PLD5: variants seen among roughly 807,000 people sequenced by gnomAD.
The protein encoded by PLD5 is phospholipase D family member 5, also known as inactive phospholipase D5.
PLD5 carries 36 observed loss-of-function variants against 61.1 expected under a neutral mutation model. The observed-to-expected ratio is 0.59, with a 90% CI of 0.45 to 0.78. The LOEUF is 0.78. PLD5 is among the 30% of genes least tolerant of loss of function. The pLI, the probability that PLD5 is intolerant of heterozygous loss-of-function variation, is 0.00. For missense variants in PLD5, 515 were observed against 644.4 expected, an observed-to-expected ratio of 0.80 and a Z score of 2.17; for synonymous variants, 243 against 242.8, an observed-to-expected ratio of 1.00 and a Z score of -0.01.
intron 1 of PLD5, among the ~76,000 whole-genome samples, chr1:242,501,790 T>TTTTATATATATATATA (rs770416059): frequency 1.8e-4 from 27 of 147,202 alleles, no homozygotes; most frequent in African/African-American, 5.9e-4. Context: ...TAATATTCCA[T>TTTTATATATATATATA]TATATATATA....
rs571429205 is a variant in PLD5 at position 242,521,856 on chromosome 1, T to C, written c.189+2232A>G. ...CAATGATACCAGGTTACATTTGTTA[T>C]AGGTTTTTGACATCTCAAACATTAA... On this transcript the variant is annotated intron_variant, in intron 1 of 9. Transcript: ENST00000536534. Among the ~76,000 whole-genome samples, 6 of 152,320 alleles carry C rather than the reference T, an allele frequency of 3.9e-5. No homozygotes were observed. The South Asian group carries it at 6.2e-4, about 16-fold the overall frequency.
At chr1:242,487,864 G>A (rs778061689) in intron 1 of PLD5, among the ~76,000 whole-genome samples, 72 of 152,034 alleles carry the variant, frequency 4.7e-4, no homozygotes, top group Non-Finnish European at 8.7e-4. Flanking sequence ...ATATCATTTT[G>A]TAGGTTGTTT....
intron 1 of PLD5, among the ~76,000 whole-genome samples, chr1:242,443,186 A>G (rs1392422251): frequency 6.6e-6 from 1 of 152,178 alleles, no homozygotes; most frequent in Non-Finnish European, 1.5e-5. Flanking sequence ...CAGGTATTTT[A>G]TCTATCTCTT....
intron 1 of PLD5, among the ~76,000 whole-genome samples, chr1:242,472,417 T>C (rs967711324): frequency 2.0e-5 from 3 of 152,234 alleles, no homozygotes; most frequent in Non-Finnish European, 4.4e-5. Flanking sequence ...TGATCATTCT[T>C]ATGAGTTTGC....
At chr1:242,503,224 T>A (rs1448331557) in intron 1 of PLD5, among the ~76,000 whole-genome samples, 1 of 152,074 alleles carries the variant, frequency 6.6e-6, no homozygotes, top group African/African-American at 2.4e-5. Context: ...CGGGCACAGA[T>A]CCTTCATGAA....
chr1:242,171,446 T>C (rs1666739361), intron 5 of PLD5, among the ~76,000 whole-genome samples: 1 of 152,140 alleles, frequency 6.6e-6, no homozygotes, highest in South Asian at 2.1e-4. Context: ...CATACCAAAT[T>C]GTAAAGACCA....
chr1:242,158,573 T>TC (rs1425145916), intron 5 of PLD5, among the ~76,000 whole-genome samples: 1 of 151,966 alleles, frequency 6.6e-6, no homozygotes, highest in Non-Finnish European at 1.5e-5. Flanking sequence ...GGGAGAAAAT[T>TC]CCCCAACCTC....
In PLD5 at chr1:242,384,929, A is replaced by G. The variant is rs1389504330; in HGVS notation, c.190-36687T>C. Among the ~76,000 whole-genome samples, 10 of 152,322 alleles carry G rather than the reference A, an allele frequency of 6.6e-5. No homozygotes were observed. The East Asian group carries it at 1.9e-3, about 29-fold the overall frequency. ...AGTAGTAATATCTTGGGAAATAAAT[A>G]TTCATCAGTAGGACACATGGCGAAT... On this transcript the variant is annotated intron_variant, in intron 1 of 9. Coordinates refer to ENST00000536534, the MANE Select transcript of PLD5 (RefSeq NM_001372062.1).
At chr1:242,147,805 G>C (rs2148808963) in intron 5 of PLD5, among the ~76,000 whole-genome samples, 1 of 152,274 alleles carries the variant, frequency 6.6e-6, no homozygotes, top group African/African-American at 2.4e-5. Context: ...CTGACTTGCT[G>C]TCTATGTGGG....
At chr1:242,172,004 A>G (rs1666786693) in intron 5 of PLD5, among the ~76,000 whole-genome samples, 1 of 152,204 alleles carries the variant, frequency 6.6e-6, no homozygotes, top group Non-Finnish European at 1.5e-5. Flanking sequence ...ATCAACGAAG[A>G]TATTCAGGAC....
intron 1 of PLD5, among the ~76,000 whole-genome samples, chr1:242,454,578 G>C (rs370405039): frequency 6.6e-6 from 1 of 151,984 alleles, no homozygotes; most frequent in Non-Finnish European, 1.5e-5. Context: ...GAGACACAGG[G>C]GAAAACATAT....
At chr1:242,352,806 C>T (rs1255654207) in intron 1 of PLD5, among the ~76,000 whole-genome samples, 1 of 152,126 alleles carries the variant, frequency 6.6e-6, no homozygotes, top group Non-Finnish European at 1.5e-5. Context: ...TGATACTGAA[C>T]ATTTTTTATG....
intron 5 of PLD5, among the ~76,000 whole-genome samples, chr1:242,184,802 G>A (rs1667767203): frequency 6.6e-6 from 1 of 152,222 alleles, no homozygotes; most frequent in African/African-American, 2.4e-5. Flanking sequence ...ACAGGTGACT[G>A]TGGATGGAAG....
chr1:242,317,754 A>G (rs1269078017), intron 2 of PLD5, among the ~76,000 whole-genome samples: 1 of 150,510 alleles, frequency 6.6e-6, no homozygotes. Flanking sequence ...AAACCTGGCC[A>G]TGTTCCATGT....
At chr1:242,526,826 C>T (rs1450925498), upstream of PLD5, among the ~76,000 whole-genome samples, 1 of 149,010 alleles carries the variant, frequency 6.7e-6, no homozygotes, top group African/African-American at 2.5e-5. Context: ...ATTTAAATGA[C>T]GACAAACAAT....
intron 5 of PLD5, among the ~76,000 whole-genome samples, chr1:242,144,352 A>G (rs1173368745): frequency 2.0e-5 from 3 of 152,122 alleles, no homozygotes; most frequent in Non-Finnish European, 4.4e-5. Context: ...AAATAACATT[A>G]CTCAATTTCT....
At chr1:242,136,202 C>G (rs976736003) in intron 5 of PLD5, among the ~76,000 whole-genome samples, 1 of 152,236 alleles carries the variant, frequency 6.6e-6, no homozygotes. Context: ...TCATGAGTAA[C>G]TAACTGATAG....
At chr1:242,152,581 A>C (rs2840603) in intron 5 of PLD5, among the ~76,000 whole-genome samples, 72,403 of 150,654 alleles carry the variant, frequency 0.48, 18,742 homozygotes, top group African/African-American at 0.68. Flanking sequence ...GTTCAACTCC[A>C]AGTTATGAGT....
chr1:242,193,052 T>C (rs1668383848), intron 5 of PLD5, among the ~76,000 whole-genome samples: 1 of 152,170 alleles, frequency 6.6e-6, no homozygotes, highest in South Asian at 2.1e-4. Context: ...GCAGTTGAAA[T>C]TGATCCCTAC....
Sources: allele counts gnomAD v4.1 joint callset (sites outside exome capture counted in the v4.1 genomes callset), GRCh38; gene constraint gnomAD v4.1.1; transcripts MANE v1.5; gene names NCBI Gene and HGNC (gene_info 2026-07-23, HGNC 2026-07-21).